PTPRH: variants seen among roughly 807,000 people sequenced by gnomAD.
PTPRH encodes the protein protein tyrosine phosphatase receptor type H.
Under a neutral mutation model 130.2 loss-of-function variants are expected in PTPRH, and 113 were observed. That is an observed-to-expected ratio of 0.87 (90% CI 0.75 to 1.01). The LOEUF is 1.01. Among genes scored for constraint, PTPRH ranks in the 50% least tolerant of loss-of-function variants. The probability of loss-of-function intolerance (pLI) is 0.00; values close to 1 mark genes in which losing one functional copy is unlikely to be tolerated. For synonymous variants in PTPRH, 556 were observed against 577.9 expected, an observed-to-expected ratio of 0.96 and a Z score of 0.54; for missense variants, 1,430 against 1,425.0, an observed-to-expected ratio of 1.00 and a Z score of -0.06.
At chr19:55,202,675 T>A (rs58085926) in intron 5 of PTPRH, among the ~76,000 whole-genome samples, 16,356 of 150,148 alleles carry the variant, frequency 0.11, 1,575 homozygotes, top group Admixed American at 0.26. Flanking sequence ...ATATATATAT[T>A]TTGTGGGTAT....
At position 55,204,035 on chromosome 19, in the gene PTPRH, C is replaced by T; in HGVS notation, c.633G>A (p.Val211=). ...TRNATTAHNP[V]RNLRVEAQTT... is the part of the protein sequence containing the mutation. ...TCTGAGCCTCCACTCTCAGGTTCCT[C>T]ACTGGGTTGTGAGCTGAGAAATTAG... Residue 211 remains valine, a synonymous_variant, in exon 5 of 20, where the codon GTG becomes GTA. Transcript: ENST00000376350. 2 of 1,613,520 alleles carry T rather than the reference C, an allele frequency of 1.2e-6. No homozygotes were observed. Among genetic ancestry groups the T allele is most frequent in the Non-Finnish European group, 1.7e-6 (2 of 1,179,582 alleles).
intron 4 of PTPRH, among the ~76,000 whole-genome samples, chr19:55,204,730 G>A (rs1016390503): frequency 2.6e-5 from 4 of 152,152 alleles, no homozygotes; most frequent in East Asian, 1.9e-4. Context: ...CTTCTGCAAC[G>A]ATGGAAATGC....
intron 14 of PTPRH, among the ~76,000 whole-genome samples, chr19:55,187,139 A>G (rs1163880897): frequency 6.6e-6 from 1 of 150,706 alleles, no homozygotes; most frequent in African/African-American, 2.4e-5. Flanking sequence ...AGGTCAGGAG[A>G]TCGAGACCAT....
chr19:55,199,765 G>GAA (rs2086798727), intron 7 of PTPRH, among the ~76,000 whole-genome samples: 7 of 140,954 alleles, frequency 5.0e-5, no homozygotes, highest in African/African-American at 1.9e-4. Context: ...AAGAGAAAGA[G>GAA]AAAGAAAGAA....
At chr19:55,204,270 C>T (rs1226982703) in intron 4 of PTPRH, among the ~76,000 whole-genome samples, 2 of 152,168 alleles carry the variant, frequency 1.3e-5, no homozygotes, top group African/African-American at 2.4e-5. Context: ...CAGGTCTGCA[C>T]CACCACACCC....
intron 18 of PTPRH, among the ~76,000 whole-genome samples, chr19:55,183,678 C>T (rs552586633): frequency 6.6e-6 from 1 of 151,874 alleles, no homozygotes; most frequent in Admixed American, 6.6e-5. Flanking sequence ...GAGCGGAGAT[C>T]GCACCGTTGC....
At chr19:55,190,679 G>A (rs2086509612) in intron 12 of PTPRH, among the ~76,000 whole-genome samples, 1 of 143,170 alleles carries the variant, frequency 7.0e-6, no homozygotes, top group African/African-American at 2.6e-5. Context: ...TGCCCAGGCT[G>A]GAGTGCAATG....
intron 1 of PTPRH, among the ~76,000 whole-genome samples, chr19:55,207,618 GT>G (rs2087112419): frequency 2.7e-5 from 4 of 145,780 alleles, no homozygotes; most frequent in Non-Finnish European, 6.0e-5. Flanking sequence ...GGGGCTGGGG[GT>G]CTCGACCTCT....
rs181785754 is a variant in PTPRH at position 55,198,595 on chromosome 19, C to T, written c.1690+48G>A. ...GCTCCCAAAGTCCTTTCATCTTTTT[C>T]CTTCCCCCATCCTAATAGGGCTGGG... On this transcript the variant is annotated intron_variant, in intron 8 of 19. Coordinates refer to ENST00000376350, the MANE Select transcript of PTPRH (RefSeq NM_002842.5). 2.7e-3 allele frequency: 4,050 copies of T among 1,496,860 alleles called. 8 individuals are homozygous for T. The highest frequency in any genetic ancestry group is 3.8e-3 in the Middle Eastern group (21 of 5,560). The allele number at this position is 1,496,860 out of a possible 1,614,324, so 92.7% of individuals were successfully genotyped here.
At chr19:55,207,541 G>A (rs1012243867) in intron 1 of PTPRH, among the ~76,000 whole-genome samples, 3 of 152,238 alleles carry the variant, frequency 2.0e-5, no homozygotes, top group African/African-American at 7.2e-5. Context: ...AACCAAGGTT[G>A]GGGATCAGGA....
chr19:55,204,016 C>T lies in PTPRH; in HGVS notation c.652G>A (p.Ala218Thr), dbSNP rs763231198. 7 of 1,614,016 alleles carry T rather than the reference C, an allele frequency of 4.3e-6. No homozygotes were observed. Among genetic ancestry groups the T allele is most frequent in the South Asian group, 1.1e-5 (1 of 91,060 alleles). Residue 218 changes from alanine (A) to threonine (T), a missense_variant, in exon 5 of 20, where the codon GCT becomes ACT. Ala to Thr is a moderately conservative substitution (Grantham distance 58). Transcript: ENST00000376350. ...AGGGAGATGGAGCTGGTGGTCTGAG[C>T]CTCCACTCTCAGGTTCCTCACTGGG... ...HNPVRNLRVE[A>T]QTTSSISLSW...
chr19:55,187,344 C>CAAAAAAAAA (rs58124409), intron 14 of PTPRH, among the ~76,000 whole-genome samples, 169 bp downstream of exon 14: 1 of 45,108 alleles, frequency 2.2e-5, no homozygotes, highest in Non-Finnish European at 4.2e-5. Flanking sequence ...GACTCCGTCT[C>CAAAAAAAAA]AAAAAAAAAA....
At position 55,181,727 on chromosome 19, in the gene PTPRH, G is replaced by A; in HGVS notation, c.*27C>T. ...GGGTGTCCAGAGCTTGAGGATGCCT[G>A]GGCTGCCGACCCAGCCCCCTCGTCA... On this transcript the variant is annotated 3_prime_UTR_variant, in exon 20 of 20. Transcript: ENST00000376350. 2 of 1,613,574 alleles carry A rather than the reference G, an allele frequency of 1.2e-6. No homozygotes were observed. Among genetic ancestry groups the A allele is most frequent in the South Asian group, 1.1e-5 (1 of 91,046 alleles).
In PTPRH at chr19:55,197,476, G is replaced by A. The variant is rs150707748; in HGVS notation, c.1691-60C>T. 862 of 1,475,710 alleles carry A rather than the reference G, an allele frequency of 5.8e-4. 3 individuals carry two copies. The highest frequency in any genetic ancestry group is 9.5e-5 in the Non-Finnish European group (102 of 1,076,276). The allele number at this position is 1,475,710 out of a possible 1,614,324, so 91.4% of individuals were successfully genotyped here. The stretch of plus-strand genomic sequence containing the variant: ...CTCGAAGACCCTCCTACCCCAGCCT[G>A]TCTGCCTCTCCCCCACAGCAAAGCT... On this transcript the variant is annotated intron_variant, in intron 8 of 19. Transcript: ENST00000376350.
intron 12 of PTPRH, chr19:55,189,832 A>G (rs1331167183): frequency 7.0e-6 from 3 of 429,574 alleles, no homozygotes; most frequent in Non-Finnish European, 1.4e-5. Context: ...CATCTCTACA[A>G]AAAATTAAAA....
In PTPRH at chr19:55,181,567, A is replaced by G. The variant is rs2086170982; in HGVS notation, c.*187T>C. On this transcript the variant is annotated 3_prime_UTR_variant, in exon 20 of 20. Transcript: ENST00000376350. ...CCAGGAATCCAGATCCCCAGCTCCC[A>G]TAGGACTCATCTGAAGCCCACCAGA... 9.7e-6 allele frequency: 7 copies of G among 720,454 alleles called. No individual in the cohort carries two copies. The highest frequency in any genetic ancestry group is 1.8e-5 in the African/African-American group (1 of 56,418). The allele number at this position is 720,454 out of a possible 1,614,324, so 44.6% of individuals were successfully genotyped here. A position where few individuals can be genotyped will look rare whatever the true frequency, so the allele number is the denominator to read the frequency against.
In PTPRH at chr19:55,209,455, C is replaced by T. The variant is rs1181325488; in HGVS notation, c.-22G>A. On this transcript the variant is annotated 5_prime_UTR_variant, in exon 1 of 20. Transcript: ENST00000376350. This position sits in a 1 kb window ranked among gnomAD's most constrained non-coding sequence, Gnocchi z 4.1. Reference sequence around the variant, plus strand: ...CCATGCCTCCAGACACTGCCGGGGACCCAGGAGTCCCAGGCCTAGTCCTTC... The same window carrying T: ...CCATGCCTCCAGACACTGCCGGGGATCCAGGAGTCCCAGGCCTAGTCCTTC... The T allele has an allele frequency of 9.3e-6, 14 of 1,497,346 alleles. No individual in the cohort carries two copies. Among genetic ancestry groups the T allele is most frequent in the South Asian group, 1.2e-5 (1 of 83,064 alleles). The allele number at this position is 1,497,346 out of a possible 1,614,324, so 92.8% of individuals were successfully genotyped here.
intron 8 of PTPRH, 34 bp from the exon 9 acceptor site, chr19:55,197,450 C>G (rs1208221072): frequency 2.5e-6 from 4 of 1,571,058 alleles, no homozygotes; most frequent in South Asian, 2.3e-5. Context: ...AAGGGGGTAT[C>G]CTCGAAGACC....
Position 55,181,697 on chromosome 19 carries a change from C to G in PTPRH, c.*57G>C. On this transcript the variant is annotated 3_prime_UTR_variant, in exon 20 of 20. Transcript: ENST00000376350. Reference sequence around the variant, plus strand: ...CTCTGCTCTTCCAGGAATCTGGGCTCAAGTGGGTGTCCAGAGCTTGAGGAT... The same window carrying G: ...CTCTGCTCTTCCAGGAATCTGGGCTGAAGTGGGTGTCCAGAGCTTGAGGAT... 1.9e-6 allele frequency: 3 copies of G among 1,606,428 alleles called. No homozygotes were observed. The highest frequency in any genetic ancestry group is 2.6e-6 in the Non-Finnish European group (3 of 1,175,058).
Sources: gnomAD v4.1 joint callset for allele counts (sites outside exome capture counted in the v4.1 genomes callset) on GRCh38, gnomAD v4.1.1 for gene constraint, Gnocchi (gnomAD v3.1) non-coding constraint, MANE v1.5 for transcripts, NCBI Gene and HGNC (gene_info 2026-07-23, HGNC 2026-07-21) for gene names.